The following ERBB4 variants were observed in gnomAD, a reference collection of about 807,000 sequenced individuals.
ERBB4 encodes receptor tyrosine-protein kinase erbB-4.
ERBB4 carries 42 observed loss-of-function variants against 158.0 expected under a neutral mutation model. The ratio of observed to expected loss-of-function variants is 0.27; its 90% CI spans 0.21 to 0.34. The LOEUF (loss-of-function observed/expected upper bound fraction) is 0.34. Among genes scored for constraint, ERBB4 ranks in the 10% least tolerant of loss-of-function variants. The pLI, the probability that ERBB4 is intolerant of heterozygous loss-of-function variation, is 1.00. For synonymous variants in ERBB4, 583 were observed against 558.7 expected, an observed-to-expected ratio of 1.04 and a Z score of -0.61; for missense variants, 1,333 against 1,624.1, an observed-to-expected ratio of 0.82 and a Z score of 3.08.
Position 211,704,156 on chromosome 2 carries a change from C to A in ERBB4, c.1237G>T (p.Asp413Tyr), listed in dbSNP as rs2106045730. Reference sequence around the variant, plus strand: ...ACCAGGTTAGAAAAAACACTGAAGTCAGTCATGTTTGGTGGCCATGACTGT... The same window carrying A: ...ACCAGGTTAGAAAAAACACTGAAGTAAGTCATGTTTGGTGGCCATGACTGT... ...NIQSWPPNMT[D>Y]FSVFSNLVTI... The change falls in exon 11 of 28, where the codon GAC (aspartate) becomes TAC (tyrosine). Residue 413 changes from aspartate (D) to tyrosine (Y), a missense_variant. Coordinates refer to ENST00000342788, the MANE Select transcript of ERBB4 (RefSeq NM_005235.3). 6.2e-7 allele frequency: 1 copy of A among 1,613,150 alleles called. No homozygotes were observed.
At chr2:211,810,864 C>T (rs1329693337) in intron 3 of ERBB4, among the ~76,000 whole-genome samples, 5 of 151,396 alleles carry the variant, frequency 3.3e-5, no homozygotes, top group Non-Finnish European at 5.9e-5. Context: ...TTAGTAGAGA[C>T]GGGGTTTCAC....
chr2:211,640,825 G>T (rs1387797822), intron 16 of ERBB4, among the ~76,000 whole-genome samples: 1 of 152,074 alleles, frequency 6.6e-6, no homozygotes, highest in African/African-American at 2.4e-5. Flanking sequence ...TGTATTAACA[G>T]CAGCAAAACT....
intron 1 of ERBB4, among the ~76,000 whole-genome samples, chr2:212,468,381 G>A (rs905043440): frequency 6.6e-6 from 1 of 152,126 alleles, no homozygotes; most frequent in Non-Finnish European, 1.5e-5. Context: ...GGGACCCGGT[G>A]GAAGATGATT....
chr2:211,491,786 A>G (rs1327914484), intron 20 of ERBB4, among the ~76,000 whole-genome samples: 1 of 152,082 alleles, frequency 6.6e-6, no homozygotes, highest in Non-Finnish European at 1.5e-5. Flanking sequence ...AATTGTTTGC[A>G]GAAACATCAT....
At chr2:211,757,541 A>G (rs2075312364) in intron 4 of ERBB4, among the ~76,000 whole-genome samples, 1 of 152,202 alleles carries the variant, frequency 6.6e-6, no homozygotes, top group African/African-American at 2.4e-5. Context: ...TTAGAACAGC[A>G]TATATACTCA....
intron 16 of ERBB4, among the ~76,000 whole-genome samples, chr2:211,634,564 G>C (rs1428913598): frequency 6.6e-6 from 1 of 152,164 alleles, no homozygotes; most frequent in African/African-American, 2.4e-5. Context: ...CCTTTGGGTA[G>C]AGAGGAAATA....
intron 13 of ERBB4, among the ~76,000 whole-genome samples, 198 bp from the exon 14 acceptor site, chr2:211,673,455 T>C (rs1260994484): frequency 7.1e-6 from 1 of 139,962 alleles, no homozygotes; most frequent in African/African-American, 2.7e-5. Context: ...CTGTCCTCCA[T>C]TGAGTTCAAT....
At chr2:211,693,574 G>A (rs1253464848) in intron 12 of ERBB4, among the ~76,000 whole-genome samples, 1 of 152,094 alleles carries the variant, frequency 6.6e-6, no homozygotes, top group African/African-American at 2.4e-5. Context: ...TTTGACTATA[G>A]AACGATGGGG....
intron 3 of ERBB4, among the ~76,000 whole-genome samples, chr2:211,885,143 C>A (rs2078764098): frequency 6.6e-6 from 1 of 151,918 alleles, no homozygotes. Context: ...GGTAATAAGG[C>A]CATAAACATC....
chr2:211,985,979 T>A (rs182477613), intron 2 of ERBB4, among the ~76,000 whole-genome samples: 7 of 152,304 alleles, frequency 4.6e-5, no homozygotes, highest in Admixed American at 3.3e-4. Flanking sequence ...TCTAATTTGT[T>A]AAGATCAGGT....
chr2:212,460,052 T>G (rs1195974854), intron 1 of ERBB4, among the ~76,000 whole-genome samples: 1 of 152,106 alleles, frequency 6.6e-6, no homozygotes, highest in East Asian at 1.9e-4. Flanking sequence ...TCTCACAAGA[T>G]CTGATGGTTT....
chr2:212,202,953 AATACT>A lies in ERBB4; in HGVS notation c.83-78055_83-78051del, dbSNP rs1322547916. On this transcript the variant is annotated intron_variant, in intron 1 of 27. Coordinates refer to ENST00000342788, the MANE Select transcript of ERBB4 (RefSeq NM_005235.3). ...ATTACATTAATAACAAAACCATAAT[AATACT>A]ATACATTTATGTAATATATGTTATA... Among the ~76,000 whole-genome samples, 6 of 151,678 alleles carry A rather than the reference AATACT, an allele frequency of 4.0e-5. No individual in the cohort carries two copies. The East Asian group carries it at 9.7e-4, about 24-fold the overall frequency.
intron 16 of ERBB4, among the ~76,000 whole-genome samples, chr2:211,655,477 A>G (rs2071176952): frequency 6.6e-6 from 1 of 152,178 alleles, no homozygotes; most frequent in South Asian, 2.1e-4. Context: ...AGGCTCAGAT[A>G]ATTTAAGGAA....
At chr2:211,667,601 A>G (rs954123626) in intron 14 of ERBB4, among the ~76,000 whole-genome samples, 1 of 152,190 alleles carries the variant, frequency 6.6e-6, no homozygotes, top group Non-Finnish European at 1.5e-5. Flanking sequence ...TCTATTACAC[A>G]GAATCATTTA....
chr2:212,474,206 A>C, intron 1 of ERBB4, among the ~76,000 whole-genome samples: 1 of 146,804 alleles, frequency 6.8e-6, no homozygotes, highest in East Asian at 2.0e-4. Context: ...CAAAATAGTG[A>C]TTTTTTTTTT....
intron 3 of ERBB4, among the ~76,000 whole-genome samples, chr2:211,937,450 A>G (rs2080357275): frequency 6.6e-6 from 1 of 152,176 alleles, no homozygotes; most frequent in African/African-American, 2.4e-5. Flanking sequence ...TACTTCTTTC[A>G]GTGAAACCAT....
intron 2 of ERBB4, among the ~76,000 whole-genome samples, chr2:212,089,390 T>C (rs1176801813): frequency 2.6e-5 from 4 of 152,182 alleles, no homozygotes; most frequent in Non-Finnish European, 5.9e-5. Context: ...GTTTGAGGAA[T>C]ATCTTCTGAT....
chr2:212,458,664 T>G (rs962354593), intron 1 of ERBB4, among the ~76,000 whole-genome samples: 1 of 151,476 alleles, frequency 6.6e-6, no homozygotes, highest in African/African-American at 2.4e-5. Flanking sequence ...GTAAGACAGA[T>G]TTAATGGGGA....
intron 14 of ERBB4, among the ~76,000 whole-genome samples, chr2:211,665,731 T>G (rs1458641565): frequency 6.6e-6 from 1 of 152,208 alleles, no homozygotes; most frequent in Non-Finnish European, 1.5e-5. Flanking sequence ...GCTTGAAATA[T>G]TTTCCTTTTC....
Sources: allele counts gnomAD v4.1 joint callset (sites outside exome capture counted in the v4.1 genomes callset), GRCh38; gene constraint gnomAD v4.1.1; transcripts MANE v1.5; gene names NCBI Gene and HGNC (gene_info 2026-07-23, HGNC 2026-07-21).